The following TMEM132C variants were observed in gnomAD, a reference collection of about 807,000 sequenced individuals.
The protein encoded by TMEM132C is protein phosphatase 1, regulatory subunit 152.
Under a neutral mutation model 61.4 loss-of-function variants are expected in TMEM132C, and 29 were observed. The observed-to-expected ratio is 0.47, with a 90% CI of 0.35 to 0.64. TMEM132C has a LOEUF of 0.64. Among genes scored for constraint, TMEM132C ranks in the 30% least tolerant of loss-of-function variants. The probability of loss-of-function intolerance (pLI) is 0.00; values close to 1 mark genes in which losing one functional copy is unlikely to be tolerated. For missense variants in TMEM132C, 1,408 were observed against 1,476.9 expected, an observed-to-expected ratio of 0.95 and a Z score of 0.76; for synonymous variants, 656 against 633.1, an observed-to-expected ratio of 1.04 and a Z score of -0.54.
At chr12:128,284,261 A>G (rs1439644302) in intron 1 of TMEM132C, among the ~76,000 whole-genome samples, 1 of 152,168 alleles carries the variant, frequency 6.6e-6, no homozygotes, top group East Asian at 1.9e-4. Context: ...CAGCATCTAA[A>G]CAGTCATTCG....
At chr12:128,355,664 C>T (rs1873480412) in intron 1 of TMEM132C, among the ~76,000 whole-genome samples, 1 of 152,058 alleles carries the variant, frequency 6.6e-6, no homozygotes, top group African/African-American at 2.4e-5. Context: ...CCAGGCACCT[C>T]CCCTGACCCT....
At chr12:128,586,372 A>G (rs924256667) in intron 3 of TMEM132C, among the ~76,000 whole-genome samples, 7 of 150,626 alleles carry the variant, frequency 4.6e-5, no homozygotes, top group African/African-American at 1.7e-4. Context: ...ATCTATTAAT[A>G]TATTGTGTTT....
chr12:128,514,160 C>T (rs1872651247), intron 2 of TMEM132C, among the ~76,000 whole-genome samples: 1 of 152,166 alleles, frequency 6.6e-6, no homozygotes, highest in Admixed American at 6.5e-5. Flanking sequence ...CATCACAATC[C>T]AAGTTGGCGG....
At chr12:128,582,930 G>C (rs912281257) in intron 3 of TMEM132C, among the ~76,000 whole-genome samples, 1 of 152,078 alleles carries the variant, frequency 6.6e-6, no homozygotes, top group African/African-American at 2.4e-5. Context: ...ATGAGCCATG[G>C]TGCCCAGCCC....
intron 2 of TMEM132C, among the ~76,000 whole-genome samples, chr12:128,465,110 T>A (rs73440667): frequency 0.093 from 14,099 of 152,168 alleles, 779 homozygotes; most frequent in African/African-American, 0.14. Context: ...CAGAGTTCTG[T>A]GTCTTCTGTC....
intron 5 of TMEM132C, among the ~76,000 whole-genome samples, chr12:128,691,361 CT>C (rs1954718052): frequency 1.3e-5 from 2 of 152,258 alleles, no homozygotes; most frequent in Non-Finnish European, 2.9e-5. Context: ...CCCCAAGATC[CT>C]TGATGACTGT....
chr12:128,424,731 G>A (rs1297508821), intron 2 of TMEM132C, among the ~76,000 whole-genome samples: 1 of 152,186 alleles, frequency 6.6e-6, no homozygotes, highest in African/African-American at 2.4e-5. Flanking sequence ...AAGAGATGAT[G>A]TGTGTCATGG....
In TMEM132C at chr12:128,352,791, CA is replaced by C. The variant is rs1873382134; in HGVS notation, c.86-61940del. Among the ~76,000 whole-genome samples, 3 of 152,304 alleles carry C rather than the reference CA, an allele frequency of 2.0e-5. No individual in the cohort carries two copies. The South Asian group carries it at 6.2e-4, about 32-fold the overall frequency. On this transcript the variant is annotated intron_variant, in intron 1 of 8. Coordinates refer to ENST00000435159, the MANE Select transcript of TMEM132C (RefSeq NM_001136103.3). ...CTTTGATTGTTCAAGGAGTTTGCCT[CA>C]TAGCACCCTATGCAGGATCCCTCAG... is the stretch of plus-strand genomic sequence containing the variant.
intron 1 of TMEM132C, among the ~76,000 whole-genome samples, chr12:128,298,445 G>A (rs1871490265): frequency 6.6e-6 from 1 of 152,020 alleles, no homozygotes; most frequent in Admixed American, 6.6e-5. Context: ...GAGACTCACA[G>A]GAAGTTGCAT....
intron 4 of TMEM132C, among the ~76,000 whole-genome samples, chr12:128,628,623 ACT>A (rs199512100): frequency 0.034 from 5,191 of 152,238 alleles, 304 homozygotes; most frequent in African/African-American, 0.12. Flanking sequence ...GGCAGCGGAC[ACT>A]CTATCAGTAG....
intron 2 of TMEM132C, among the ~76,000 whole-genome samples, chr12:128,510,958 T>C (rs1217352060): frequency 1.3e-5 from 2 of 152,200 alleles, no homozygotes; most frequent in Non-Finnish European, 2.9e-5. Flanking sequence ...TTCCAGTAAC[T>C]CCATGTTACA....
intron 3 of TMEM132C, among the ~76,000 whole-genome samples, chr12:128,550,934 A>G (rs79924393): frequency 0.022 from 3,291 of 152,116 alleles, 126 homozygotes; most frequent in African/African-American, 0.075. Context: ...GCTCAGCCCC[A>G]TCTCCCCCAC....
chr12:128,523,874 G>A (rs1232255717), intron 2 of TMEM132C, among the ~76,000 whole-genome samples: 2 of 151,380 alleles, frequency 1.3e-5, no homozygotes, highest in African/African-American at 4.9e-5. Context: ...TTAGTCAGGT[G>A]TGGTGGCACA....
chr12:128,423,674 A>G (rs73159846), intron 2 of TMEM132C, among the ~76,000 whole-genome samples: 11,274 of 152,034 alleles, frequency 0.074, 570 homozygotes, highest in Admixed American at 0.18. Context: ...GTTCAAGTCC[A>G]GCCTGGGCAA....
At chr12:128,335,261 T>C (rs538556866) in intron 1 of TMEM132C, among the ~76,000 whole-genome samples, 1 of 152,338 alleles carries the variant, frequency 6.6e-6, no homozygotes, top group African/African-American at 2.4e-5. Context: ...TTGGGTAATA[T>C]CTGAATTTTT....
intron 2 of TMEM132C, among the ~76,000 whole-genome samples, chr12:128,464,873 T>C (rs1304437745): frequency 6.6e-6 from 1 of 151,666 alleles, no homozygotes; most frequent in East Asian, 1.9e-4. Flanking sequence ...TGCAAGGCTG[T>C]GTGAGCATTA....
At chr12:128,676,591 T>C (rs1247311736) in intron 5 of TMEM132C, among the ~76,000 whole-genome samples, 1 of 152,246 alleles carries the variant, frequency 6.6e-6, no homozygotes, top group Non-Finnish European at 1.5e-5. Flanking sequence ...CATATACAGA[T>C]AATTTTTAAA....
chr12:128,563,902 C>T (rs1874607614), intron 3 of TMEM132C, among the ~76,000 whole-genome samples: 1 of 152,190 alleles, frequency 6.6e-6, no homozygotes, highest in South Asian at 2.1e-4. Flanking sequence ...TTTTTGCACT[C>T]AGACCTTGGC....
chr12:128,609,901 C>A (rs1300986394), intron 3 of TMEM132C, among the ~76,000 whole-genome samples: 1 of 152,210 alleles, frequency 6.6e-6, no homozygotes, highest in Non-Finnish European at 1.5e-5. Context: ...AGCTTTGTAG[C>A]CTTCCTTTGC....
Sources: gnomAD v4.1 joint callset for allele counts (sites outside exome capture counted in the v4.1 genomes callset) on GRCh38, gnomAD v4.1.1 for gene constraint, MANE v1.5 for transcripts, NCBI Gene and HGNC (gene_info 2026-07-23, HGNC 2026-07-21) for gene names.